DCAF8L2: variants seen among roughly 807,000 people sequenced by gnomAD.
DCAF8L2 encodes DDB1 and CUL4 associated factor 8 like 2.
For missense variants in DCAF8L2, 430 were observed against 490.7 expected (o/e 0.88, Z 1.17); for synonymous variants, 200 against 190.9 (o/e 1.05, Z -0.39).
chrX:27,497,461 C>T, the DCAF8L2 span, among the ~76,000 whole-genome samples: 1 of 109,748 alleles, frequency 9.1e-6, no homozygotes, highest in South Asian at 3.8e-4. Context: ...CCCATTTCCC[C>T]ATTTCCCATC....
the DCAF8L2 span, among the ~76,000 whole-genome samples, chrX:27,578,083 C>T: frequency 9.0e-6 from 1 of 111,392 alleles, no homozygotes; most frequent in South Asian, 3.8e-4. Flanking sequence ...ACAACAGAGC[C>T]TGTATAGCCA....
intron 1 of DCAF8L2, among the ~76,000 whole-genome samples, chrX:27,614,108 TA>T (rs1927334471): frequency 1.8e-5 from 2 of 111,554 alleles, no homozygotes; most frequent in South Asian, 7.5e-4. Context: ...GGTAGATTCT[TA>T]ATTATTGCCT....
intron 1 of DCAF8L2, among the ~76,000 whole-genome samples, chrX:27,608,152 A>G (rs1176479889): frequency 9.0e-6 from 1 of 111,582 alleles, no homozygotes; most frequent in Admixed American, 9.6e-5. Context: ...CTCTTGTTCT[A>G]TAGTAACAAG....
chrX:27,657,253 G>A (rs112977136), intron 2 of DCAF8L2, among the ~76,000 whole-genome samples: 1,569 of 110,884 alleles, frequency 0.014, 24 homozygotes, highest in African/African-American at 0.048. Flanking sequence ...TATACACGCC[G>A]AAAGGAGGGG....
At chrX:27,693,216 T>A (rs960607079) in intron 3 of DCAF8L2, among the ~76,000 whole-genome samples, 1 of 111,353 alleles carries the variant, frequency 9.0e-6, no homozygotes, top group African/African-American at 3.3e-5. Flanking sequence ...AACTCCCTCA[T>A]GCTTTGTTTC....
chrX:27,706,793 A>T (rs992665767), intron 3 of DCAF8L2, among the ~76,000 whole-genome samples: 1 of 111,871 alleles, frequency 8.9e-6, no homozygotes, highest in African/African-American at 3.2e-5. Context: ...GTATCCAAGA[A>T]AAATGGAAAC....
chrX:27,606,301 T>TGAATTATATATATAGAG (rs1926878687), intron 1 of DCAF8L2, among the ~76,000 whole-genome samples: 1 of 78,842 alleles, frequency 1.3e-5, no homozygotes, highest in Non-Finnish European at 2.3e-5. Context: ...TATATATATA[T>TGAATTATATATATAGAG]GAATTATATA....
chrX:27,499,930 G>T, the DCAF8L2 span, among the ~76,000 whole-genome samples: 1 of 111,630 alleles, frequency 9.0e-6, no homozygotes, highest in Non-Finnish European at 1.9e-5. Context: ...TTTTCATTTT[G>T]TTGATTGTTT....
rs374043676 is a variant in DCAF8L2 at position 27,683,870 on chromosome X, G to C, written c.-143+5958G>C. Reference sequence around the variant, plus strand: ...AGGGGTGTTCACCTGAGATTGCACTGTTCCTTGGCTTCCACTACCTCCCCT... The same window carrying C: ...AGGGGTGTTCACCTGAGATTGCACTCTTCCTTGGCTTCCACTACCTCCCCT... On this transcript the variant is annotated intron_variant, in intron 3 of 4. Transcript: ENST00000451261. Among the ~76,000 whole-genome samples, 143 of 111,809 alleles carry C rather than the reference G, an allele frequency of 1.3e-3. 2 individuals are homozygous for C. In the South Asian group the frequency reaches 0.049, roughly 38 times the overall value.
At chrX:27,558,591 C>G in the DCAF8L2 span, among the ~76,000 whole-genome samples, 10,968 of 110,204 alleles carry the variant, frequency 0.1, 417 homozygotes, top group Non-Finnish European at 0.12. Context: ...ATGGAGTATT[C>G]CTTCTTTTTT....
chrX:27,615,248 A>G (rs2147144926), intron 1 of DCAF8L2, among the ~76,000 whole-genome samples: 1 of 112,059 alleles, frequency 8.9e-6, no homozygotes, highest in Admixed American at 9.5e-5. Flanking sequence ...GTTTTTTTGA[A>G]AAAGACTTCT....
chrX:27,567,186 A>T, the DCAF8L2 span, among the ~76,000 whole-genome samples: 3 of 110,659 alleles, frequency 2.7e-5, no homozygotes, highest in Non-Finnish European at 5.7e-5. Flanking sequence ...CACTTGAGAA[A>T]AATGTGTATT....
chrX:27,722,533 A>G (rs1931934147), intron 4 of DCAF8L2, among the ~76,000 whole-genome samples: 1 of 111,369 alleles, frequency 9.0e-6, no homozygotes, highest in Admixed American at 9.6e-5. Context: ...TTGAATTTTT[A>G]ATTAGTCAAA....
intron 1 of DCAF8L2, among the ~76,000 whole-genome samples, chrX:27,629,443 T>C (rs1928193904): frequency 9.0e-6 from 1 of 110,727 alleles, no homozygotes; most frequent in South Asian, 3.8e-4. Context: ...TCTCTTTCCC[T>C]TTCTTTCTTT....
chrX:27,655,054 T>C (rs931991551), intron 2 of DCAF8L2, among the ~76,000 whole-genome samples: 11 of 111,156 alleles, frequency 9.9e-5, no homozygotes, highest in African/African-American at 3.6e-4. Flanking sequence ...TTCATCTACC[T>C]AGTATACTCC....
At chrX:27,652,068 A>C (rs1602700382) in intron 2 of DCAF8L2, among the ~76,000 whole-genome samples, 1 of 110,384 alleles carries the variant, frequency 9.1e-6, no homozygotes, top group Non-Finnish European at 1.9e-5. Context: ...TTTATATTTA[A>C]GTATGCTGGG....
chrX:27,690,701 C>T (rs1284162612), intron 3 of DCAF8L2, among the ~76,000 whole-genome samples: 5 of 111,143 alleles, frequency 4.5e-5, no homozygotes, highest in African/African-American at 1.6e-4. Flanking sequence ...CCTTTACCTC[C>T]TCTCTTTTCT....
At chrX:27,714,665 A>C (rs1219975000) in intron 3 of DCAF8L2, among the ~76,000 whole-genome samples, 1 of 112,028 alleles carries the variant, frequency 8.9e-6, no homozygotes, top group Admixed American at 9.5e-5. Context: ...CAGTGATTGC[A>C]AAAGTAATAG....
At chrX:27,555,986 G>A in the DCAF8L2 span, among the ~76,000 whole-genome samples, 1 of 111,377 alleles carries the variant, frequency 9.0e-6, no homozygotes, top group African/African-American at 3.3e-5. Flanking sequence ...ATACCCTGGT[G>A]GTTGGCTTCC....
Sources: allele counts gnomAD v4.1 joint callset (sites outside exome capture counted in the v4.1 genomes callset), GRCh38; gene constraint gnomAD v4.1.1; transcripts MANE v1.5; gene names NCBI Gene and HGNC (gene_info 2026-07-23, HGNC 2026-07-21).